PQBP1: variants seen among roughly 807,000 people sequenced by gnomAD.
PQBP1 encodes polyglutamine binding protein 1, also known as polyglutamine-binding protein 1.
A neutral mutation model predicts 20.9 loss-of-function variants in PQBP1; 3 were observed. That is an observed-to-expected ratio of 0.14 (90% CI 0.07 to 0.37). PQBP1 has a LOEUF of 0.37. PQBP1 is among the 10% of genes least tolerant of loss of function. The pLI is 1.00. For missense variants in PQBP1, 162 were observed against 240.3 expected, an observed-to-expected ratio of 0.67 and a Z score of 2.16; for synonymous variants, 83 against 93.8, an observed-to-expected ratio of 0.88 and a Z score of 0.67.
At chrX:48,899,445 A>G (rs1569509958) in intron 2 of PQBP1, among the ~76,000 whole-genome samples, 1 of 111,104 alleles carries the variant, frequency 9.0e-6, no homozygotes, top group Non-Finnish European at 1.9e-5. Context: ...ACAAAAATTA[A>G]TCGTGTGTTG....
chrX:48,901,250 C>T lies in PQBP1; in HGVS notation c.128C>T (p.Thr43Ile). The change falls in exon 3 of 7, where the codon ACC (threonine) becomes ATC (isoleucine). Residue 43 changes from threonine (T) to isoleucine (I), a missense_variant. By Grantham distance (89) the Thr-to-Ile change is moderately conservative. Transcript: ENST00000447146. ...YDDDPVDYEA[T>I]RLEGLPPSWY... ...GATGATCCTGTGGACTACGAGGCCA[C>T]CAGGTTGGAGGGCCTACCACCAAGC... The T allele has an allele frequency of 8.3e-7, 1 of 1,209,788 alleles. No individual in the cohort carries two copies. Among genetic ancestry groups the T allele is most frequent in the Non-Finnish European group, 1.1e-6 (1 of 894,681 alleles).
At chrX:48,898,698 C>A in intron 2 of PQBP1, 122 bp downstream of exon 2, 1 of 646,160 alleles carries the variant, frequency 1.5e-6, no homozygotes. Context: ...GGGTGGCAGG[C>A]ATTTTTCGTT....
intron 5 of PQBP1, 45 bp from the exon 6 acceptor site, chrX:48,902,687 G>GC: frequency 1.1e-5 from 13 of 1,175,303 alleles, no homozygotes; most frequent in Non-Finnish European, 1.5e-5. Context: ...GTGATCAGGG[G>GC]ATCCTGGTGC....
At chrX:48,899,226 C>T (rs977002451) in intron 2 of PQBP1, among the ~76,000 whole-genome samples, 5 of 111,330 alleles carry the variant, frequency 4.5e-5, no homozygotes, top group African/African-American at 1.3e-4. Flanking sequence ...ATCCACCCCC[C>T]ACCCTTGGCT....
At chrX:48,898,339 ATCTTTT>A in intron 1 of PQBP1, 147 bp from the exon 2 acceptor site, 12 of 617,188 alleles carry the variant, frequency 1.9e-5, no homozygotes, top group Non-Finnish European at 3.2e-5. Flanking sequence ...TACCTCTTAC[ATCTTTT>A]AGTGCGTATG....
Position 48,902,527 on chromosome X carries a change from G to A in PQBP1, c.577+10G>A, listed in dbSNP as rs1557041577. 1 of 1,200,512 alleles carries A rather than the reference G, an allele frequency of 8.3e-7. No homozygotes were observed. The highest frequency in any genetic ancestry group is 2.3e-5 in the Admixed American group (1 of 43,626). On this transcript the variant is annotated intron_variant, in intron 5 of 6. Coordinates refer to ENST00000447146, the MANE Select transcript of PQBP1 (RefSeq NM_001032382.2). The stretch of plus-strand genomic sequence containing the variant: ...CCCAAGAGCAAGAAGGGTAAGCTGG[G>A]CAGAATGGGGCTCGGTGAGACCAAC...
Position 48,897,957 on chromosome X carries a change from G to C in PQBP1, c.-144G>C. ...GTTACTTTCAGGCTCGGGGAGTGAA[G>C]GCCTCGTTGAGAGAAGGTCTCATTC... On this transcript the variant is annotated 5_prime_UTR_variant, in exon 1 of 7. Transcript: ENST00000447146. 1.1e-6 allele frequency: 1 copy of C among 883,534 alleles called. No individual in the cohort carries two copies. The allele number at this position is 883,534 out of a possible 1,213,427, so 72.8% of individuals were successfully genotyped here.
chrX:48,898,073 G>A lies in PQBP1; in HGVS notation c.-28G>A. On this transcript the variant is annotated 5_prime_UTR_variant, in exon 1 of 7. Transcript: ENST00000447146. ...TGTGACAGCCTTCCACTACCTGCAC[G>A]AGTGTATTGGTAACGTTGGGGTGGG... 2 of 1,033,734 alleles carry A rather than the reference G, an allele frequency of 1.9e-6. No individual in the cohort carries two copies. The highest frequency in any genetic ancestry group is 2.5e-6 in the Non-Finnish European group (2 of 807,950). The allele number at this position is 1,033,734 out of a possible 1,213,427, so 85.2% of individuals were successfully genotyped here. A position where few individuals can be genotyped will look rare whatever the true frequency, so the allele number is the denominator to read the frequency against.
rs1321789163 is a variant in PQBP1, at chrX:48,898,494, C to T, written c.-16C>T. 1 of 1,207,520 alleles carries T rather than the reference C, an allele frequency of 8.3e-7. No individual in the cohort carries two copies. Among genetic ancestry groups the T allele is most frequent in the Non-Finnish European group, 1.1e-6 (1 of 893,267 alleles). On this transcript the variant is annotated splice_region_variant and 5_prime_UTR_variant, in exon 2 of 7. Coordinates refer to ENST00000447146, the MANE Select transcript of PQBP1 (RefSeq NM_001032382.2). Reference sequence around the variant, plus strand: ...TCAGTTTGTTCGTCTGTCCCTAGGTCTGTCTGCTATCAGCTATGCCGCTGC... The same window carrying T: ...TCAGTTTGTTCGTCTGTCCCTAGGTTTGTCTGCTATCAGCTATGCCGCTGC...
In PQBP1 at chrX:48,901,076, CGT is replaced by C. The variant is rs1467630178; in HGVS notation, c.68-111_68-110del. ...ATATTCTTCCCGGCACACACACACACGTGTCTTTTATGTGTGGCTTGTGTGAA... is the reference window on the plus strand; with the variant it reads ...ATATTCTTCCCGGCACACACACACACGTCTTTTATGTGTGGCTTGTGTGAA... On this transcript the variant is annotated intron_variant, in intron 2 of 6. Coordinates refer to ENST00000447146, the MANE Select transcript of PQBP1 (RefSeq NM_001032382.2). 8.2e-6 allele frequency: 9 copies of C among 1,100,197 alleles called. No homozygotes were observed. In the East Asian group the frequency reaches 2.0e-4, roughly 24 times the overall value. The allele number at this position is 1,100,197 out of a possible 1,213,427, so 90.7% of individuals were successfully genotyped here.
intron 2 of PQBP1, among the ~76,000 whole-genome samples, chrX:48,900,893 G>A (rs782768229): frequency 1.8e-5 from 2 of 111,687 alleles, no homozygotes; most frequent in African/African-American, 6.5e-5. Flanking sequence ...GCCTGGCCAA[G>A]ATGAGTAAAT....
intron 3 of PQBP1, 102 bp from the exon 4 acceptor site, chrX:48,901,828 G>T: frequency 8.7e-7 from 1 of 1,153,588 alleles, no homozygotes; most frequent in Non-Finnish European, 1.2e-6. Context: ...CTGCCTGTGG[G>T]GTCCTGACAT....
intron 2 of PQBP1, among the ~76,000 whole-genome samples, chrX:48,900,441 G>C (rs1928077989): frequency 9.5e-6 from 1 of 105,321 alleles, no homozygotes; most frequent in African/African-American, 3.4e-5. Flanking sequence ...CCACAGGCGT[G>C]CTCCACTGTG....
chrX:48,898,492 G>T lies in PQBP1; in HGVS notation c.-18G>T. 8.3e-7 allele frequency: 1 copy of T among 1,209,052 alleles called. No individual in the cohort carries two copies. The highest frequency in any genetic ancestry group is 1.1e-6 in the Non-Finnish European group (1 of 893,270). ...TGTCAGTTTGTTCGTCTGTCCCTAG[G>T]TCTGTCTGCTATCAGCTATGCCGCT... On this transcript the variant is annotated splice_region_variant and 5_prime_UTR_variant, in exon 2 of 7. Coordinates refer to ENST00000447146, the MANE Select transcript of PQBP1 (RefSeq NM_001032382.2).
At chrX:48,898,705 C>T in intron 2 of PQBP1, 129 bp downstream of exon 2, 2 of 541,292 alleles carry the variant, frequency 3.7e-6, no homozygotes, top group Non-Finnish European at 5.7e-6. Context: ...AGGCATTTTT[C>T]GTTGTTAACA....
chrX:48,898,684 A>G, intron 2 of PQBP1, 108 bp downstream of exon 2: 3 of 797,316 alleles, frequency 3.8e-6, no homozygotes, highest in Non-Finnish European at 5.5e-6. Flanking sequence ...TGCACCAAGC[A>G]ATGGGGTGGC....
chrX:48,902,084 G>C, intron 4 of PQBP1, 42 bp downstream of exon 4: 1 of 1,211,054 alleles, frequency 8.3e-7, no homozygotes, highest in East Asian at 3.0e-5. Context: ...GATCTTAGCA[G>C]TTCTCACGGA....
intron 2 of PQBP1, 77 bp from the exon 3 acceptor site, chrX:48,901,113 G>C: frequency 8.6e-7 from 1 of 1,167,355 alleles, no homozygotes; most frequent in Non-Finnish European, 1.1e-6. Flanking sequence ...ATGTGAGTGC[G>C]TGTCTCTAGG....
At chrX:48,898,239 C>T in intron 1 of PQBP1, 157 bp downstream of exon 1, 1 of 892,018 alleles carries the variant, frequency 1.1e-6, no homozygotes, top group Non-Finnish European at 1.6e-6. Flanking sequence ...AGGCTGTGGG[C>T]GGAGCCTGGG....
Sources: allele counts gnomAD v4.1 joint callset (sites outside exome capture counted in the v4.1 genomes callset), GRCh38; gene constraint gnomAD v4.1.1; transcripts MANE v1.5; gene names NCBI Gene and HGNC (gene_info 2026-07-23, HGNC 2026-07-21).